Variants in RAB7B observed in about 807,000 individuals in gnomAD.
RAB7B encodes the protein ras-related protein Rab-7b.
At chr1:205,985,436 A>T (rs1457822004) in intron 5 of RAB7B, 104 bp downstream of exon 5, 1 of 397,184 alleles carries the variant, frequency 2.5e-6, no homozygotes, top group Non-Finnish European at 4.4e-6. Flanking sequence ...ATCCTGTCCC[A>T]CCCACATCCC....
rs1271990969 is a variant in RAB7B, at chr1:205,993,554, A to G, written c.54-8T>C. ...AGGGAGGTCTTTCCCACACTGAGGA[A>G]AATTCCAGACACATGTGAACACACA... On this transcript the variant is annotated splice_region_variant and splice_polypyrimidine_tract_variant and intron_variant, in intron 2 of 5. Coordinates refer to ENST00000617070, the MANE Select transcript of RAB7B (RefSeq NM_001164522.3). 2.5e-6 allele frequency: 1 copy of G among 398,470 alleles called. No homozygotes were observed. The highest frequency in any genetic ancestry group is 2.1e-5 in the African/African-American group (1 of 48,596). 24.7% of individuals were successfully genotyped at this position (398,470 alleles called of 1,614,324 possible). A position where few individuals can be genotyped will look rare whatever the true frequency, so the allele number is the denominator to read the frequency against.
intron 5 of RAB7B, among the ~76,000 whole-genome samples, chr1:205,981,015 C>A (rs969652996): frequency 2.6e-5 from 4 of 151,998 alleles, no homozygotes; most frequent in Non-Finnish European, 4.4e-5. Flanking sequence ...ATCCTCCCAC[C>A]TTAGCCTCCC....
chr1:205,988,321 C>T (rs1660651891), intron 4 of RAB7B, among the ~76,000 whole-genome samples: 1 of 150,280 alleles, frequency 6.7e-6, no homozygotes, highest in Admixed American at 6.6e-5. Flanking sequence ...CTCTCCCTCC[C>T]GTGTTCAAGC....
chr1:205,988,475 T>C (rs1660657022), intron 4 of RAB7B, among the ~76,000 whole-genome samples: 3 of 152,164 alleles, frequency 2.0e-5, no homozygotes, highest in African/African-American at 4.8e-5. Context: ...GCTCAAGCTA[T>C]CCCCCGACTT....
At position 205,992,684 on chromosome 1, in the gene RAB7B, C is replaced by G; in HGVS notation, c.192G>C (p.Thr64=). The G allele has an allele frequency of 2.5e-6, 1 of 398,850 alleles. No individual in the cohort carries two copies. The highest frequency in any genetic ancestry group is 6.2e-4 in the Middle Eastern group (1 of 1,602). 24.7% of individuals were successfully genotyped at this position (398,850 alleles called of 1,614,324 possible). ...TGGAGCGGAACCGCTCCTGACCGCC[C>G]GTGTCCCAGATCTGGAGGGGAAAGC... ...DTTLKLQIWD[T]GGQERFRSMV... Residue 64 remains threonine, a synonymous_variant, in exon 4 of 6, where the codon ACG becomes ACC. Transcript: ENST00000617070.
intron 1 of RAB7B, among the ~76,000 whole-genome samples, chr1:205,996,099 T>TTA (rs1660808682): frequency 6.6e-6 from 1 of 150,932 alleles, no homozygotes; most frequent in South Asian, 2.1e-4. Context: ...TTTTTTTTTT[T>TTA]ACAATAAATA....
At chr1:206,000,158 T>C (rs1279149725) in intron 1 of RAB7B, among the ~76,000 whole-genome samples, 1 of 152,142 alleles carries the variant, frequency 6.6e-6, no homozygotes, top group African/African-American at 2.4e-5. Context: ...TCACTGAACG[T>C]TTTATATAGT....
chr1:205,991,763 G>T (rs1489558202), intron 4 of RAB7B, among the ~76,000 whole-genome samples: 1 of 152,146 alleles, frequency 6.6e-6, no homozygotes, highest in African/African-American at 2.4e-5. Context: ...CTTTTTGGTG[G>T]CATCTGGACT....
At chr1:205,979,784 T>C (rs1660454265) in intron 5 of RAB7B, among the ~76,000 whole-genome samples, 1 of 152,194 alleles carries the variant, frequency 6.6e-6, no homozygotes, top group Non-Finnish European at 1.5e-5. Flanking sequence ...TACATTGGCA[T>C]GGACCTGAGC....
intron 4 of RAB7B, among the ~76,000 whole-genome samples, chr1:205,986,632 A>G (rs1253602792): frequency 6.6e-6 from 1 of 152,216 alleles, no homozygotes; most frequent in Non-Finnish European, 1.5e-5. Context: ...AACGGCGTTC[A>G]ATTTGTGATG....
chr1:205,989,172 G>C (rs1660674026), intron 4 of RAB7B, among the ~76,000 whole-genome samples: 1 of 151,534 alleles, frequency 6.6e-6, no homozygotes, highest in South Asian at 2.1e-4. Context: ...ATCCTCTCCA[G>C]GGACCTCCCT....
chr1:205,997,606 A>G (rs942668551), intron 1 of RAB7B, among the ~76,000 whole-genome samples: 1 of 53,616 alleles, frequency 1.9e-5, no homozygotes, highest in Non-Finnish European at 3.9e-5. Flanking sequence ...AACATTTCCT[A>G]TATTCCAACA....
intron 5 of RAB7B, among the ~76,000 whole-genome samples, chr1:205,983,041 A>G (rs1001380314): frequency 0.025 from 3,820 of 152,222 alleles, 156 homozygotes; most frequent in African/African-American, 0.087. Flanking sequence ...GCTCCTGAGC[A>G]CCTCGGGCAG....
rs1660590825 is a variant in RAB7B at position 205,985,791 on chromosome 1, G to GCCCACCATC, written c.397-135_397-127dup. The GCCCACCATC allele has an allele frequency of 1.2e-3, 330 of 277,572 alleles. 23 individuals carry two copies. The highest frequency in any genetic ancestry group is 1.8e-3 in the Admixed American group (27 of 15,274). 17.2% of individuals were successfully genotyped at this position (277,572 alleles called of 1,614,324 possible). A position where few individuals can be genotyped will look rare whatever the true frequency, so the allele number is the denominator to read the frequency against. The stretch of plus-strand genomic sequence containing the variant: ...CCACCATCCCCATCATCCCCACCAG[G>GCCCACCATC]CCCACCATCCCCACCAGGCCCACCA... On this transcript the variant is annotated intron_variant, in intron 4 of 5. Transcript: ENST00000617070.
intron 5 of RAB7B, among the ~76,000 whole-genome samples, chr1:205,980,544 G>A (rs1028611445): frequency 5.3e-5 from 8 of 152,220 alleles, no homozygotes; most frequent in African/African-American, 1.9e-4. Context: ...CAGCATTTCA[G>A]TGGGGGTGTG....
intron 1 of RAB7B, among the ~76,000 whole-genome samples, chr1:205,998,350 G>A (rs988062190): frequency 3.3e-5 from 5 of 152,018 alleles, no homozygotes; most frequent in Admixed American, 2.6e-4. Flanking sequence ...AGCAAGACTC[G>A]GTCTCAAACA....
chr1:205,993,371 G>C, intron 3 of RAB7B, 49 bp downstream of exon 3: 1 of 398,098 alleles, frequency 2.5e-6, no homozygotes, highest in Non-Finnish European at 4.4e-6. Flanking sequence ...GGGCTTGGGG[G>C]GGATTTTCAG....
At position 205,977,625 on chromosome 1, in the gene RAB7B, T is replaced by C. The variant is rs1251645887; in HGVS notation, c.*1226A>G. ...CTAGGAGCCACCCAAGGGAGCTGGG[T>C]CCCCTTTGCTTTGTCTTTGGGACAG... is the stretch of plus-strand genomic sequence containing the variant. On this transcript the variant is annotated 3_prime_UTR_variant, in exon 6 of 6. Coordinates refer to ENST00000617070, the MANE Select transcript of RAB7B (RefSeq NM_001164522.3). 5 of 152,146 alleles carry C rather than the reference T, an allele frequency of 3.3e-5. No individual in the cohort carries two copies. The highest frequency in any genetic ancestry group is 5.9e-5 in the Non-Finnish European group (4 of 68,032). The allele number at this position is 152,146 out of a possible 1,614,324, so 9.4% of individuals were successfully genotyped here. A position where few individuals can be genotyped will look rare whatever the true frequency, so the allele number is the denominator to read the frequency against.
rs2102629773 is a variant in RAB7B at position 205,979,013 on chromosome 1, C to A, written c.523-85G>T. 10 of 396,916 alleles carry A rather than the reference C, an allele frequency of 2.5e-5. No individual in the cohort carries two copies. The East Asian group carries it at 3.6e-4, about 14-fold the overall frequency. 24.6% of individuals were successfully genotyped at this position (396,916 alleles called of 1,614,324 possible). ...CTTCATTTCTTAGTGGGCCTCAGAGCCTGGGCTCTTGTTTCCTCCCCATTA... is the reference window on the plus strand; with the variant it reads ...CTTCATTTCTTAGTGGGCCTCAGAGACTGGGCTCTTGTTTCCTCCCCATTA... On this transcript the variant is annotated intron_variant, in intron 5 of 5. Transcript: ENST00000617070.
Sources: gnomAD v4.1 joint callset for allele counts (sites outside exome capture counted in the v4.1 genomes callset) on GRCh38, gnomAD v4.1.1 for gene constraint, MANE v1.5 for transcripts, NCBI Gene and HGNC (gene_info 2026-07-23, HGNC 2026-07-21) for gene names.